Variants in ASB4 observed in about 807,000 individuals in gnomAD.
The protein encoded by ASB4 is ankyrin repeat and SOCS box containing 4, also known as ankyrin repeat and SOCS box protein 4.
A neutral mutation model predicts 38.6 loss-of-function variants in ASB4; 35 were observed. The observed-to-expected ratio is 0.91, with a 90% CI of 0.69 to 1.20. ASB4 has a LOEUF of 1.20. Ranked by LOEUF, ASB4 falls within the 50% of genes most tolerant of loss-of-function variation. The pLI, the probability that ASB4 is intolerant of heterozygous loss-of-function variation, is 0.00. For missense variants in ASB4, 557 were observed against 527.2 expected (o/e 1.06, Z -0.55); for synonymous variants, 195 against 201.3 (o/e 0.97, Z 0.26).
chr7:95,494,051 T>C (rs760847477), intron 1 of ASB4, among the ~76,000 whole-genome samples: 16 of 152,222 alleles, frequency 1.1e-4, no homozygotes, highest in Non-Finnish European at 2.4e-4. Flanking sequence ...AATGCAAATG[T>C]TGTTTTTTGT....
At chr7:95,498,552 T>C (rs1017459856) in intron 2 of ASB4, among the ~76,000 whole-genome samples, 2 of 152,250 alleles carry the variant, frequency 1.3e-5, no homozygotes, top group African/African-American at 4.8e-5. Context: ...GCCTGTATTC[T>C]TATTGATTTG....
chr7:95,544,268 T>C (rs1004607694), downstream of ASB4: 1 of 152,148 alleles, frequency 6.6e-6, no homozygotes, highest in African/African-American at 2.4e-5. Flanking sequence ...TGCTTATACT[T>C]CTCAACATGG....
chr7:95,523,380 G>A (rs188473900), intron 2 of ASB4, among the ~76,000 whole-genome samples: 186 of 152,168 alleles, frequency 1.2e-3, no homozygotes, highest in Middle Eastern at 0.01. Context: ...AAACAAAGCC[G>A]AACGATTTCA....
chr7:95,492,675 C>T (rs142269439), intron 1 of ASB4, among the ~76,000 whole-genome samples: 99 of 152,234 alleles, frequency 6.5e-4, no homozygotes, highest in African/African-American at 2.1e-3. Flanking sequence ...TTTTTCTTCC[C>T]ATTGCAGAAG....
At chr7:95,550,948 C>T in the ASB4 span, among the ~76,000 whole-genome samples, 1 of 152,002 alleles carries the variant, frequency 6.6e-6, no homozygotes, top group Admixed American at 6.6e-5. Context: ...AAATATTTAC[C>T]ATGTTTTTTC....
the ASB4 span, among the ~76,000 whole-genome samples, chr7:95,545,302 C>G: frequency 6.6e-6 from 1 of 152,098 alleles, no homozygotes; most frequent in East Asian, 1.9e-4. Context: ...TCTATGGCAC[C>G]TTTCTTTAAT....
At chr7:95,484,026 T>TAAAA (rs11431388), upstream of ASB4, among the ~76,000 whole-genome samples, 12 of 138,888 alleles carry the variant, frequency 8.6e-5, no homozygotes, top group African/African-American at 2.9e-4. Context: ...CATTAAAAAG[T>TAAAA]AAAAAAAAAA....
upstream of ASB4, among the ~76,000 whole-genome samples, chr7:95,476,513 AGCAATCAAGGG>A (rs1251676605): frequency 1.3e-5 from 2 of 152,200 alleles, no homozygotes; most frequent in African/African-American, 4.8e-5. Flanking sequence ...TACCCCCTGG[AGCAATCAAGGG>A]GCAGCTACAG....
intron 3 of ASB4, among the ~76,000 whole-genome samples, chr7:95,534,077 G>C (rs944620250): frequency 6.6e-6 from 1 of 152,118 alleles, no homozygotes; most frequent in Non-Finnish European, 1.5e-5. Context: ...GGGCGCGGTG[G>C]CTTACACCTG....
At chr7:95,514,258 A>T (rs962896478) in intron 2 of ASB4, among the ~76,000 whole-genome samples, 2 of 152,180 alleles carry the variant, frequency 1.3e-5, no homozygotes, top group East Asian at 1.9e-4. Flanking sequence ...TCTCACCGAC[A>T]CTATAACTTT....
In ASB4 at chr7:95,485,987, G is replaced by GCC; in HGVS notation, c.19_20dup (p.Val8LeufsTer10). The GCC allele has an allele frequency of 6.2e-7, 1 of 1,613,950 alleles. No individual in the cohort carries two copies. Among genetic ancestry groups the GCC allele is most frequent in the Non-Finnish European group, 8.5e-7 (1 of 1,179,906 alleles). On this transcript the variant is annotated frameshift_variant, in exon 1 of 5. Coordinates refer to ENST00000325885, the MANE Select transcript of ASB4 (RefSeq NM_016116.3). LOFTEE classifies it high-confidence loss of function. ...GAGAGGAAGGATGGACGGCACCACT[G>GCC]CCCCTGTCACTAAATCTGGAGCTGC...
intron 4 of ASB4, among the ~76,000 whole-genome samples, chr7:95,537,118 C>A (rs1396406995): frequency 1.3e-5 from 2 of 152,030 alleles, no homozygotes; most frequent in African/African-American, 4.8e-5. Context: ...AGGTATCAGG[C>A]ACAGGGTGCA....
At chr7:95,501,084 A>T (rs1790330432) in intron 2 of ASB4, among the ~76,000 whole-genome samples, 1 of 152,154 alleles carries the variant, frequency 6.6e-6, no homozygotes, top group Non-Finnish European at 1.5e-5. Context: ...TAAGAGTTTA[A>T]GGAATTTTAG....
intron 2 of ASB4, among the ~76,000 whole-genome samples, chr7:95,521,000 CT>C (rs2116633901): frequency 6.6e-6 from 1 of 152,000 alleles, no homozygotes; most frequent in South Asian, 2.1e-4. Context: ...TTGCTCTTTA[CT>C]CTGCAAATTT....
chr7:95,490,208 C>T (rs1361447080), intron 1 of ASB4, among the ~76,000 whole-genome samples: 1 of 152,190 alleles, frequency 6.6e-6, no homozygotes, highest in Non-Finnish European at 1.5e-5. Context: ...TAAGTAGCAA[C>T]TTATATCCCA....
rs1790919159 is a variant in ASB4 at position 95,537,959 on chromosome 7, C to G, written c.*200C>G. The stretch of plus-strand genomic sequence containing the variant: ...AGTAAAGTTAAGGAATTTTCAAAGA[C>G]AAGGATGTATTCAGAATGTACTGAT... On this transcript the variant is annotated 3_prime_UTR_variant, in exon 5 of 5. Coordinates refer to ENST00000325885, the MANE Select transcript of ASB4 (RefSeq NM_016116.3). 8 of 554,356 alleles carry G rather than the reference C, an allele frequency of 1.4e-5. No homozygotes were observed. The highest frequency in any genetic ancestry group is 2.6e-5 in the Non-Finnish European group (8 of 313,158). 34.3% of individuals were successfully genotyped at this position (554,356 alleles called of 1,614,324 possible). A position where few individuals can be genotyped will look rare whatever the true frequency, so the allele number is the denominator to read the frequency against.
chr7:95,537,506 C>A, intron 4 of ASB4, 65 bp from the exon 5 acceptor site: 3 of 1,410,268 alleles, frequency 2.1e-6, no homozygotes, highest in Non-Finnish European at 2.9e-6. Flanking sequence ...TGCAGCATTG[C>A]TGATTTTTAT....
At chr7:95,516,082 G>A (rs1333880998) in intron 2 of ASB4, among the ~76,000 whole-genome samples, 1 of 152,116 alleles carries the variant, frequency 6.6e-6, no homozygotes, top group African/African-American at 2.4e-5. Flanking sequence ...GTCCCTGAGT[G>A]GAGGAAGAAG....
chr7:95,509,649 T>G (rs2116613644), intron 2 of ASB4, among the ~76,000 whole-genome samples: 1 of 152,308 alleles, frequency 6.6e-6, no homozygotes, highest in South Asian at 2.1e-4. Context: ...CTTAATAAAG[T>G]TAACAGCATT....
Sources: gnomAD v4.1 joint callset for allele counts (sites outside exome capture counted in the v4.1 genomes callset) on GRCh38, gnomAD v4.1.1 for gene constraint, MANE v1.5 for transcripts, NCBI Gene and HGNC (gene_info 2026-07-23, HGNC 2026-07-21) for gene names.